Variants in NPR3 observed in about 807,000 individuals in gnomAD.
NPR3 encodes atrial natriuretic peptide receptor 3.
NPR3 carries 34 observed loss-of-function variants against 54.5 expected under a neutral mutation model. That is an observed-to-expected ratio of 0.62 (90% CI 0.47 to 0.83). The LOEUF is 0.83. NPR3 is among the 40% of genes least tolerant of loss of function. The pLI is 0.00. For missense variants in NPR3, 674 were observed against 720.8 expected, an observed-to-expected ratio of 0.94 and a Z score of 0.74; for synonymous variants, 289 against 297.1, an observed-to-expected ratio of 0.97 and a Z score of 0.28.
chr5:32,699,297 A>G (rs376157363), intron 1 of NPR3, among the ~76,000 whole-genome samples: 60 of 152,156 alleles, frequency 3.9e-4, no homozygotes, highest in Non-Finnish European at 6.6e-4. Flanking sequence ...GTTTTTTATT[A>G]TTTTATTTAA....
upstream of NPR3, among the ~76,000 whole-genome samples, chr5:32,707,676 G>A (rs1460053697): frequency 6.6e-6 from 1 of 152,150 alleles, no homozygotes; most frequent in Non-Finnish European, 1.5e-5. Flanking sequence ...CAACTTTAGG[G>A]CTGGCTCAAC....
chr5:32,733,370 G>T (rs979514756), intron 2 of NPR3, among the ~76,000 whole-genome samples: 2 of 152,154 alleles, frequency 1.3e-5, no homozygotes, highest in African/African-American at 4.8e-5. Flanking sequence ...GTTTAAAAAA[G>T]TCTAGAAAGA....
At chr5:32,719,891 A>G (rs1430855171) in intron 1 of NPR3, among the ~76,000 whole-genome samples, 3 of 151,626 alleles carry the variant, frequency 2.0e-5, no homozygotes, top group African/African-American at 7.3e-5. Flanking sequence ...AGTGTGCAGG[A>G]CATGGCATAC....
rs954458646 is a variant in NPR3 at position 32,702,947 on chromosome 5, T to C, written c.100+13761T>C. On this transcript the variant is annotated intron_variant, in intron 1 of 5. Transcript: ENST00000509104. ...TGTTGTTTCCTGACTTTTTAATGAT[T>C]GCCATTCTAACTGGTGTGAGATGGT... Among the ~76,000 whole-genome samples the C allele has an allele frequency of 4.6e-5, 7 of 152,290 alleles. No homozygotes were observed. The East Asian group carries it at 5.8e-4, about 13-fold the overall frequency.
At chr5:32,743,048 C>T (rs1740115903) in intron 3 of NPR3, among the ~76,000 whole-genome samples, 1 of 152,122 alleles carries the variant, frequency 6.6e-6, no homozygotes, top group African/African-American at 2.4e-5. Context: ...TATACTGAAG[C>T]ATTGAGAGGA....
chr5:32,774,732 C>A lies in NPR3; in HGVS notation c.1084C>A (p.His362Asn). 1 of 1,611,236 alleles carries A rather than the reference C, an allele frequency of 6.2e-7. No homozygotes were observed. The highest frequency in any genetic ancestry group is 1.1e-5 in the South Asian group (1 of 91,010). The change falls in exon 4 of 8, where the codon CAC (histidine) becomes AAC (asparagine). Residue 362 changes from histidine to asparagine, a missense_variant. His to Asn is a moderately conservative substitution (Grantham distance 68). Coordinates refer to ENST00000265074, the MANE Select transcript of NPR3 (RefSeq NM_001204375.2). ...DYVNMFVEGF[H>N]DAILLYVLAL... is the part of the protein sequence containing the mutation. ...GGTTAACATGTTTGTTGAAGGATTC[C>A]ACGATGCCATCCTCCTCTACGTCTT...
chr5:32,712,121 C>G lies in NPR3; in HGVS notation c.345C>G (p.Ser115Arg), dbSNP rs2111841054. 3 of 1,613,688 alleles carry G rather than the reference C, an allele frequency of 1.9e-6. No individual in the cohort carries two copies. The highest frequency in any genetic ancestry group is 2.5e-6 in the Non-Finnish European group (3 of 1,179,804). ...DSDCGNRALFSLVDRVAAARG... is the reference protein window; with the variant it reads ...DSDCGNRALFRLVDRVAAARG... ...ACTGTGGGAACCGTGCGCTCTTCAG[C>G]TTGGTGGACCGCGTGGCGGCGGCGC... The change falls in exon 1 of 8, where the codon AGC becomes AGG. Residue 115 changes from serine (S) to arginine (R), a missense_variant. Transcript: ENST00000265074.
At chr5:32,715,206 T>C (rs1738483788) in intron 1 of NPR3, among the ~76,000 whole-genome samples, 1 of 152,226 alleles carries the variant, frequency 6.6e-6, no homozygotes, top group African/African-American at 2.4e-5. Flanking sequence ...GGGGTGAGAA[T>C]CAGGCCTCTT....
rs1044888089 is a variant in NPR3 at position 32,791,127 on chromosome 5, T to C, written c.*4782T>C. The C allele has an allele frequency of 6.0e-6, 1 of 167,068 alleles. No individual in the cohort carries two copies. Among genetic ancestry groups the C allele is most frequent in the Non-Finnish European group, 1.5e-5 (1 of 68,112 alleles). The allele number at this position is 167,068 out of a possible 1,614,324, so 10.3% of individuals were successfully genotyped here. The stretch of plus-strand genomic sequence containing the variant: ...GGAAACAGGGTGGCCTCTTCATTAT[T>C]TATTGCCAAGATCTGAAAATCTTCA... On this transcript the variant is annotated 3_prime_UTR_variant, in exon 8 of 8. Transcript: ENST00000265074.
chr5:32,730,231 A>G (rs1739383780), intron 2 of NPR3, among the ~76,000 whole-genome samples: 1 of 152,224 alleles, frequency 6.6e-6, no homozygotes, highest in Admixed American at 6.5e-5. Context: ...ATATCAATAG[A>G]TACAGAACAA....
upstream of NPR3, among the ~76,000 whole-genome samples, chr5:32,707,907 T>C (rs1738039141): frequency 6.6e-6 from 1 of 152,012 alleles, no homozygotes; most frequent in Non-Finnish European, 1.5e-5. Flanking sequence ...AGTAATTTCA[T>C]TTCATAGAGC....
chr5:32,784,927 CT>C, intron 7 of NPR3, 44 bp downstream of exon 7: 1 of 1,380,274 alleles, frequency 7.2e-7, no homozygotes, highest in Non-Finnish European at 1.0e-6. Context: ...CTTCTGCTGT[CT>C]TTGTCATTTG....
chr5:32,785,500 G>A (rs898977557), intron 7 of NPR3, among the ~76,000 whole-genome samples: 9 of 152,180 alleles, frequency 5.9e-5, no homozygotes, highest in Admixed American at 2.0e-4. Flanking sequence ...ACCAAGTGAA[G>A]CAGTGGGGAG....
intron 3 of NPR3, among the ~76,000 whole-genome samples, chr5:32,742,066 G>A (rs1740065206): frequency 6.6e-6 from 1 of 151,656 alleles, no homozygotes; most frequent in Admixed American, 6.6e-5. Flanking sequence ...TAGGAGTCTG[G>A]GGTCTTCTCT....
At chr5:32,763,641 T>C (rs182010945) in intron 3 of NPR3, among the ~76,000 whole-genome samples, 1 of 152,234 alleles carries the variant, frequency 6.6e-6, no homozygotes, top group African/African-American at 2.4e-5. Flanking sequence ...GAAAAGTCTC[T>C]AAACATATTT....
At chr5:32,758,635 C>A (rs1220012831) in intron 3 of NPR3, among the ~76,000 whole-genome samples, 3 of 151,742 alleles carry the variant, frequency 2.0e-5, no homozygotes, top group Non-Finnish European at 2.9e-5. Flanking sequence ...TTATTTCTTG[C>A]CTTCTGCTAG....
upstream of NPR3, among the ~76,000 whole-genome samples, chr5:32,704,884 G>A (rs1305421137): frequency 3.3e-5 from 5 of 152,140 alleles, no homozygotes; most frequent in African/African-American, 9.7e-5. Context: ...AGAAGGCAGC[G>A]TACAACTAAA....
At chr5:32,753,537 G>T (rs1161622323) in intron 3 of NPR3, among the ~76,000 whole-genome samples, 1 of 150,018 alleles carries the variant, frequency 6.7e-6, no homozygotes, top group East Asian at 2.0e-4. Context: ...AGGCAAAACT[G>T]TAGAGGATAA....
At chr5:32,733,622 T>G (rs1739578232) in intron 2 of NPR3, among the ~76,000 whole-genome samples, 1 of 152,138 alleles carries the variant, frequency 6.6e-6, no homozygotes, top group Non-Finnish European at 1.5e-5. Context: ...TGGCTAAAAA[T>G]GGAAAAATAA....
Sources: gnomAD v4.1 joint callset for allele counts (sites outside exome capture counted in the v4.1 genomes callset) on GRCh38, gnomAD v4.1.1 for gene constraint, MANE v1.5 for transcripts, NCBI Gene and HGNC (gene_info 2026-07-23, HGNC 2026-07-21) for gene names.